LYRM4: variants seen among roughly 807,000 people sequenced by gnomAD.
LYRM4 encodes LYR motif-containing protein 4.
LYRM4 carries 9 observed loss-of-function variants against 11.7 expected under a neutral mutation model. The observed-to-expected ratio is 0.77, with a 90% CI of 0.46 to 1.34. The LOEUF (loss-of-function observed/expected upper bound fraction) is 1.34, where lower values mean the gene tolerates loss of function less well. LYRM4 is among the 40% of genes most tolerant of loss of function. The pLI is 0.00. For synonymous variants in LYRM4, 42 were observed against 40.4 expected, an observed-to-expected ratio of 1.04 and a Z score of -0.15; for missense variants, 133 against 112.5, an observed-to-expected ratio of 1.18 and a Z score of -0.82.
At chr6:5,181,457 T>A (rs1419764127) in intron 2 of LYRM4, among the ~76,000 whole-genome samples, 6 of 152,170 alleles carry the variant, frequency 3.9e-5, no homozygotes, top group African/African-American at 1.4e-4. Flanking sequence ...CTTTACATCC[T>A]TATAAAAACC....
In LYRM4 at chr6:5,260,725, G is replaced by A. The variant is rs569825514; in HGVS notation, c.9C>T (p.Ala3=). The change falls in exon 1 of 3, where the codon GCC becomes GCT. Residue 3 remains alanine, a synonymous_variant. Transcript: ENST00000330636. ...GAGATAACACTTGTGCGCGACTGGA[G>A]GCTGCCATTTTGGAAAGAAAAAAAA... MA[A]SSRAQVLSLY... 2 of 1,550,452 alleles carry A rather than the reference G, an allele frequency of 1.3e-6. No homozygotes were observed. The highest frequency in any genetic ancestry group is 1.4e-5 in the African/African-American group (1 of 73,204).
chr6:5,185,742 A>C (rs1014863897), intron 2 of LYRM4, among the ~76,000 whole-genome samples: 1 of 152,160 alleles, frequency 6.6e-6, no homozygotes, highest in Non-Finnish European at 1.5e-5. Context: ...ACCACACTTA[A>C]GTGAGATGTC....
intron 1 of LYRM4, among the ~76,000 whole-genome samples, chr6:5,250,383 AT>A (rs1382468459): frequency 2.0e-5 from 3 of 152,130 alleles, no homozygotes; most frequent in Non-Finnish European, 1.5e-5. Flanking sequence ...AAAGAATGTT[AT>A]TTTTCACCCC....
At chr6:5,038,510 G>A in the LYRM4 span, among the ~76,000 whole-genome samples, 2 of 66,006 alleles carry the variant, frequency 3.0e-5, 1 homozygote, top group Admixed American at 4.2e-4. Context: ...CTGCAATCTC[G>A]GCACTTTGGG....
At chr6:5,137,233 T>C (rs1757149787) in intron 2 of LYRM4, among the ~76,000 whole-genome samples, 1 of 152,242 alleles carries the variant, frequency 6.6e-6, no homozygotes, top group African/African-American at 2.4e-5. Context: ...TGCTCATCCA[T>C]TTATTATCTG....
At chr6:5,253,731 G>A (rs542844593) in intron 1 of LYRM4, among the ~76,000 whole-genome samples, 37 of 151,692 alleles carry the variant, frequency 2.4e-4, no homozygotes, top group Middle Eastern at 3.4e-3. Context: ...TACAATACTC[G>A]AGAAGTTGCC....
intron 2 of LYRM4, among the ~76,000 whole-genome samples, chr6:5,152,768 G>A (rs1209419625): frequency 6.6e-6 from 1 of 152,190 alleles, no homozygotes; most frequent in Non-Finnish European, 1.5e-5. Flanking sequence ...TTCCTCTTGG[G>A]CCTCCTCTGT....
chr6:5,049,112 T>C, the LYRM4 span, among the ~76,000 whole-genome samples: 5 of 151,792 alleles, frequency 3.3e-5, no homozygotes, highest in Non-Finnish European at 7.4e-5. Context: ...CAGAATGAGG[T>C]AGTAAAGGTC....
chr6:5,156,903 T>C (rs1758446154), intron 2 of LYRM4, among the ~76,000 whole-genome samples: 1 of 152,214 alleles, frequency 6.6e-6, no homozygotes, highest in Non-Finnish European at 1.5e-5. Flanking sequence ...ATGATGGGAA[T>C]GTCACAAGAT....
chr6:5,124,504 T>C (rs57686024), intron 2 of LYRM4, among the ~76,000 whole-genome samples: 1 of 152,188 alleles, frequency 6.6e-6, no homozygotes, highest in East Asian at 1.9e-4. Flanking sequence ...CTTTTGCCTA[T>C]GCCTCCGACT....
chr6:5,184,026 C>T (rs1760232907), intron 2 of LYRM4, among the ~76,000 whole-genome samples: 1 of 152,172 alleles, frequency 6.6e-6, no homozygotes, highest in Non-Finnish European at 1.5e-5. Context: ...ACCATAAATA[C>T]ATACAATTTT....
At chr6:5,170,556 A>G (rs1198637613) in intron 2 of LYRM4, among the ~76,000 whole-genome samples, 2 of 152,170 alleles carry the variant, frequency 1.3e-5, no homozygotes, top group Non-Finnish European at 2.9e-5. Context: ...ACTGGAGTGC[A>G]GTGGCGCGAT....
intron 2 of LYRM4, among the ~76,000 whole-genome samples, chr6:5,141,198 G>T (rs937828010): frequency 2.6e-5 from 4 of 152,176 alleles, no homozygotes; most frequent in Admixed American, 2.0e-4. Context: ...AGATGGGGGT[G>T]GTATGTCTCA....
In LYRM4 at chr6:5,123,759, C is replaced by T. The variant is rs1179869859; in HGVS notation, c.208-14268G>A. 9.8e-5 allele frequency among the ~76,000 whole-genome samples: 15 copies of T among 152,352 alleles called. No individual in the cohort carries two copies. The East Asian group carries it at 2.9e-3, about 29-fold the overall frequency. On this transcript the variant is annotated intron_variant, in intron 2 of 2. Transcript: ENST00000330636. ...CACGGCAGTTCAGTATTTTGAGTGT[C>T]ACCTGTAGGGCGAGGACCTCGGAGT...
intron 2 of LYRM4, among the ~76,000 whole-genome samples, chr6:5,149,744 A>C (rs1308330336): frequency 2.0e-5 from 3 of 152,188 alleles, no homozygotes; most frequent in Admixed American, 6.5e-5. Context: ...ACCAAATTAT[A>C]TATACATTAT....
chr6:5,254,282 C>A (rs1330047500), intron 1 of LYRM4, among the ~76,000 whole-genome samples: 1 of 152,214 alleles, frequency 6.6e-6, no homozygotes, highest in African/African-American at 2.4e-5. Flanking sequence ...CCAACTTCCA[C>A]TTCTTGAAGC....
the LYRM4 span, chr6:5,085,970 C>G: frequency 1.0e-5 from 16 of 1,527,164 alleles, no homozygotes; most frequent in African/African-American, 1.4e-5. Flanking sequence ...GCCGTGCTCT[C>G]GCGCCTCCGA....
chr6:5,136,067 C>T (rs1757080427), intron 2 of LYRM4: 1 of 154,618 alleles, frequency 6.5e-6, no homozygotes, highest in African/African-American at 2.4e-5. Flanking sequence ...CTTGCTGTGG[C>T]GTGTGGCGGA....
At chr6:5,152,976 C>T (rs922762902) in intron 2 of LYRM4, among the ~76,000 whole-genome samples, 15 of 152,246 alleles carry the variant, frequency 9.9e-5, no homozygotes, top group Admixed American at 4.6e-4. Context: ...ATACTTAAGG[C>T]CGCTGGGCTT....
Sources: allele counts gnomAD v4.1 joint callset (sites outside exome capture counted in the v4.1 genomes callset), GRCh38; gene constraint gnomAD v4.1.1; transcripts MANE v1.5; gene names NCBI Gene and HGNC (gene_info 2026-07-23, HGNC 2026-07-21).